Variants in XRCC4 observed in about 807,000 individuals in gnomAD.
XRCC4 encodes X-ray repair cross complementing 4, also known as DNA repair protein XRCC4.
In XRCC4, 28 loss-of-function variants were observed where a neutral mutation model predicts 39.1. The ratio of observed to expected loss-of-function variants is 0.72; its 90% CI spans 0.53 to 0.98. XRCC4 has a LOEUF of 0.98. Among genes scored for constraint, XRCC4 ranks in the 50% least tolerant of loss-of-function variants. XRCC4 has a pLI of 0.00. For synonymous variants in XRCC4, 123 were observed against 126.4 expected, an observed-to-expected ratio of 0.97 and a Z score of 0.18; for missense variants, 350 against 376.4, an observed-to-expected ratio of 0.93 and a Z score of 0.58.
chr5:83,247,319 G>C (rs186712865), intron 6 of XRCC4, among the ~76,000 whole-genome samples: 5 of 152,248 alleles, frequency 3.3e-5, no homozygotes, highest in Non-Finnish European at 7.4e-5. Flanking sequence ...ACCAGTTCTG[G>C]TTCGTGGCCT....
At chr5:83,111,661 A>T (rs967483489) in intron 3 of XRCC4, among the ~76,000 whole-genome samples, 17 of 152,130 alleles carry the variant, frequency 1.1e-4, no homozygotes, top group Admixed American at 3.3e-4. Context: ...GTAAGTATTA[A>T]GGATACTTTA....
At position 83,274,744 on chromosome 5, in the gene XRCC4, T is replaced by C. The variant is rs1754266370; in HGVS notation, c.893+16067T>C. Reference sequence around the variant, plus strand: ...AAGGCCCTCAGGTGAGCAAATCCATTGTATTGAAGGAGTAGAAATGTGTAC... The same window carrying C: ...AAGGCCCTCAGGTGAGCAAATCCATCGTATTGAAGGAGTAGAAATGTGTAC... On this transcript the variant is annotated intron_variant, in intron 7 of 7. Coordinates refer to ENST00000396027, the MANE Select transcript of XRCC4 (RefSeq NM_003401.5). Among the ~76,000 whole-genome samples, 5 of 152,222 alleles carry C rather than the reference T, an allele frequency of 3.3e-5. No individual in the cohort carries two copies. The South Asian group carries it at 8.3e-4, about 25-fold the overall frequency.
chr5:83,083,204 C>T (rs1745033149), intron 1 of XRCC4, among the ~76,000 whole-genome samples: 2 of 151,970 alleles, frequency 1.3e-5, no homozygotes, highest in African/African-American at 2.4e-5. Flanking sequence ...ATATTTGTTA[C>T]ATGTATTTTT....
intron 3 of XRCC4, among the ~76,000 whole-genome samples, chr5:83,165,136 TGAAAA>T (rs534066620): frequency 1.8e-4 from 27 of 151,996 alleles, no homozygotes; most frequent in Non-Finnish European, 3.5e-4. Flanking sequence ...CTATTCAAAA[TGAAAA>T]GAAATGTGAA....
chr5:83,116,322 G>A (rs568623356), intron 3 of XRCC4, among the ~76,000 whole-genome samples: 5 of 152,176 alleles, frequency 3.3e-5, no homozygotes, highest in East Asian at 1.9e-4. Flanking sequence ...TTGCTCCTCC[G>A]TGACAAAGAC....
At chr5:83,090,689 G>C (rs1395101509) in intron 1 of XRCC4, among the ~76,000 whole-genome samples, 1 of 152,038 alleles carries the variant, frequency 6.6e-6, no homozygotes, top group Admixed American at 6.6e-5. Context: ...CTGTCTAGAG[G>C]CCCCACTGTA....
chr5:83,255,856 G>T (rs542709840), intron 6 of XRCC4, among the ~76,000 whole-genome samples: 1 of 152,100 alleles, frequency 6.6e-6, no homozygotes, highest in Admixed American at 6.6e-5. Context: ...GTTGTTCAGG[G>T]TTCATAGCTG....
chr5:83,086,392 G>GT (rs1213340951), intron 1 of XRCC4, among the ~76,000 whole-genome samples: 3 of 152,156 alleles, frequency 2.0e-5, no homozygotes. Flanking sequence ...TGTTTTGTGT[G>GT]TTATATGCAT....
At chr5:83,241,813 C>G (rs1752919842) in intron 6 of XRCC4, among the ~76,000 whole-genome samples, 1 of 151,852 alleles carries the variant, frequency 6.6e-6, no homozygotes, top group Admixed American at 6.6e-5. Context: ...ATAAAGTAAG[C>G]TAGAGAAAAG....
intron 1 of XRCC4, among the ~76,000 whole-genome samples, chr5:83,092,777 C>CA (rs1269872422): frequency 6.6e-6 from 1 of 151,314 alleles, no homozygotes; most frequent in African/African-American, 2.4e-5. Flanking sequence ...AGGAGATTCA[C>CA]AAAAAATAAA....
chr5:83,202,783 T>C (rs1751263500), intron 4 of XRCC4, among the ~76,000 whole-genome samples: 1 of 152,186 alleles, frequency 6.6e-6, no homozygotes, highest in South Asian at 2.1e-4. Flanking sequence ...ATGCATATAT[T>C]AAGTATATAC....
intron 7 of XRCC4, among the ~76,000 whole-genome samples, chr5:83,293,557 C>G (rs1754995725): frequency 6.6e-6 from 1 of 151,918 alleles, no homozygotes; most frequent in African/African-American, 2.4e-5. Flanking sequence ...TCTTGGAAAT[C>G]ATGAGAACAA....
chr5:83,255,660 C>A (rs1406955692), intron 6 of XRCC4, among the ~76,000 whole-genome samples: 1 of 152,064 alleles, frequency 6.6e-6, no homozygotes. Context: ...CGATTATTAA[C>A]TAAATATTTA....
intron 3 of XRCC4, among the ~76,000 whole-genome samples, chr5:83,134,562 T>C (rs1747786728): frequency 6.6e-6 from 1 of 152,142 alleles, no homozygotes; most frequent in African/African-American, 2.4e-5. Context: ...CTCTGTAAAA[T>C]GGACCAATCA....
the XRCC4 span, among the ~76,000 whole-genome samples, chr5:83,364,620 A>C: frequency 6.6e-6 from 1 of 152,216 alleles, no homozygotes; most frequent in Non-Finnish European, 1.5e-5. Context: ...AATGTCCCTG[A>C]AGCCCTGAAA....
intron 7 of XRCC4, among the ~76,000 whole-genome samples, chr5:83,308,225 G>T (rs542361276): frequency 6.6e-6 from 1 of 152,256 alleles, no homozygotes; most frequent in South Asian, 2.1e-4. Flanking sequence ...AGAAATTCTT[G>T]TGTAGTCATA....
chr5:83,167,096 G>C (rs1749518410), intron 3 of XRCC4, among the ~76,000 whole-genome samples: 1 of 152,080 alleles, frequency 6.6e-6, no homozygotes, highest in African/African-American at 2.4e-5. Flanking sequence ...TTGCCAGGCT[G>C]GTCTCAAACT....
chr5:83,096,902 C>G (rs1414025233), intron 1 of XRCC4, among the ~76,000 whole-genome samples: 1 of 151,990 alleles, frequency 6.6e-6, no homozygotes, highest in Non-Finnish European at 1.5e-5. Context: ...CACAGTCCCA[C>G]TCGTCATGCA....
chr5:83,092,156 CT>C (rs1244644397), intron 1 of XRCC4, among the ~76,000 whole-genome samples: 4 of 152,088 alleles, frequency 2.6e-5, no homozygotes, highest in Admixed American at 6.6e-5. Context: ...CAGATGTATT[CT>C]TTTGACAAAT....
Sources: allele counts gnomAD v4.1 joint callset (sites outside exome capture counted in the v4.1 genomes callset), GRCh38; gene constraint gnomAD v4.1.1; transcripts MANE v1.5; gene names NCBI Gene and HGNC (gene_info 2026-07-23, HGNC 2026-07-21).